ATF3: variants seen among roughly 807,000 people sequenced by gnomAD.
The protein encoded by ATF3 is cyclic AMP-dependent transcription factor ATF-3.
ATF3 carries 10 observed loss-of-function variants against 18.4 expected under a neutral mutation model. That is an observed-to-expected ratio of 0.54 (90% confidence interval 0.34 to 0.92). The LOEUF is 0.92. Among genes scored for constraint, ATF3 ranks in the 40% least tolerant of loss-of-function variants. ATF3 has a pLI of 0.02. For missense variants in ATF3, 183 were observed against 222.3 expected (o/e 0.82, Z 1.12); for synonymous variants, 78 against 87.9 (o/e 0.89, Z 0.63).
upstream of ATF3, among the ~76,000 whole-genome samples, chr1:212,607,843 G>T (rs11571516): frequency 0.065 from 9,824 of 152,056 alleles, 614 homozygotes; most frequent in African/African-American, 0.16. Context: ...CCTGGACTCC[G>T]ATCTTTTCAC....
intron 1 of ATF3, among the ~76,000 whole-genome samples, chr1:212,582,464 G>A (rs1432360930): frequency 6.6e-6 from 1 of 152,262 alleles, no homozygotes; most frequent in Non-Finnish European, 1.5e-5. Context: ...GGAGGGCTGT[G>A]TGGGTTCTCC....
upstream of ATF3, among the ~76,000 whole-genome samples, chr1:212,607,028 A>G (rs1185907655): frequency 1.3e-5 from 2 of 152,134 alleles, no homozygotes; most frequent in African/African-American, 2.4e-5. Context: ...TCAGGTCCAG[A>G]GCAGGATCTC....
chr1:212,609,031 C>G (rs1303168387), intron 1 of ATF3, 101 bp downstream of exon 1: 1 of 152,072 alleles, frequency 6.6e-6, no homozygotes, highest in African/African-American at 2.4e-5. Context: ...CTGACCCACC[C>G]CGGATCCGCG....
At chr1:212,578,656 G>T (rs377224343) in intron 1 of ATF3, among the ~76,000 whole-genome samples, 19 of 152,098 alleles carry the variant, frequency 1.2e-4, no homozygotes, top group African/African-American at 4.3e-4. Flanking sequence ...CACTTTGTTG[G>T]CTGTCTTCCT....
chr1:212,585,036 A>G (rs1334215522), intron 1 of ATF3, among the ~76,000 whole-genome samples: 1 of 152,176 alleles, frequency 6.6e-6, no homozygotes, highest in African/African-American at 2.4e-5. Flanking sequence ...GTCAGATACC[A>G]AAAGGAGGAG....
intron 1 of ATF3, among the ~76,000 whole-genome samples, chr1:212,576,922 G>A (rs1453371874): frequency 2.0e-5 from 3 of 150,804 alleles, no homozygotes; most frequent in African/African-American, 7.3e-5. Flanking sequence ...TAGTAGAGAC[G>A]GGGTTTCACC....
chr1:212,587,358 C>T (rs949987462), intron 1 of ATF3, among the ~76,000 whole-genome samples: 2 of 152,154 alleles, frequency 1.3e-5, no homozygotes, highest in Non-Finnish European at 2.9e-5. Flanking sequence ...CTAAAATATT[C>T]CTTTATGATA....
At chr1:212,581,177 G>A (rs1383311776) in intron 1 of ATF3, among the ~76,000 whole-genome samples, 5 of 152,206 alleles carry the variant, frequency 3.3e-5, no homozygotes, top group African/African-American at 7.2e-5. Flanking sequence ...CATGCAACAC[G>A]GTTATGTGAC....
intron 1 of ATF3, among the ~76,000 whole-genome samples, chr1:212,593,316 G>A (rs1284219733): frequency 2.0e-5 from 3 of 150,982 alleles, no homozygotes; most frequent in Non-Finnish European, 4.4e-5. Flanking sequence ...GGTAGGGATA[G>A]CATTAGGAGA....
chr1:212,577,359 A>G (rs1664600415), intron 1 of ATF3, among the ~76,000 whole-genome samples: 1 of 152,212 alleles, frequency 6.6e-6, no homozygotes, highest in Non-Finnish European at 1.5e-5. Context: ...GAATGACTAA[A>G]TCTAGCTAAT....
In ATF3 at chr1:212,610,816, G is replaced by A. The variant is rs11571523; in HGVS notation, c.-5+1886G>A. On this transcript the variant is annotated intron_variant, in intron 1 of 3. Coordinates refer to ENST00000341491, the MANE Select transcript of ATF3 (RefSeq NM_001674.4). Reference sequence around the variant, plus strand: ...GCCTTGTTGGTTGATCCCTTGAGGCGGTCGATACCTATTGGTGATGGAGCA... The same window carrying A: ...GCCTTGTTGGTTGATCCCTTGAGGCAGTCGATACCTATTGGTGATGGAGCA... Among the ~76,000 whole-genome samples the A allele has an allele frequency of 8.4e-3, 1,279 of 152,276 alleles. 6 individuals are homozygous for A. Among genetic ancestry groups the A allele is most frequent in the African/African-American group, 0.011 (468 of 41,562 alleles).
upstream of ATF3, among the ~76,000 whole-genome samples, chr1:212,607,349 TC>T (rs1394953347): frequency 4.6e-5 from 7 of 152,178 alleles, no homozygotes; most frequent in Admixed American, 1.3e-4. Context: ...CAGGTCTCCC[TC>T]CCAGGCAGGT....
intron 1 of ATF3, among the ~76,000 whole-genome samples, chr1:212,587,271 A>G (rs1008534544): frequency 6.6e-6 from 1 of 152,280 alleles, no homozygotes; most frequent in Non-Finnish European, 1.5e-5. Context: ...GGATGAATAC[A>G]TTAATAAATG....
At chr1:212,581,967 A>G (rs1339357974) in intron 1 of ATF3, among the ~76,000 whole-genome samples, 1 of 152,256 alleles carries the variant, frequency 6.6e-6, no homozygotes, top group African/African-American at 2.4e-5. Flanking sequence ...TAACAAGCAC[A>G]TTGGTTTCTG....
chr1:212,618,077 A>G lies in ATF3; in HGVS notation c.241-50A>G, dbSNP rs752191589. 1.3e-6 allele frequency: 2 copies of G among 1,573,956 alleles called. No individual in the cohort carries two copies. Among genetic ancestry groups the G allele is most frequent in the African/African-American group, 1.3e-5 (1 of 74,116 alleles). On this transcript the variant is annotated intron_variant, in intron 2 of 3. Transcript: ENST00000341491. This position sits in a 1 kb window ranked among gnomAD's most constrained non-coding sequence, Gnocchi z 4.4. ...CAGTAAAAGGCAGTGTATTTGAGGT[A>G]GGTGGCATTTCTTACTGCCCTTTAA... is the stretch of plus-strand genomic sequence containing the variant.
chr1:212,617,946 CGT>C (rs3839030), intron 2 of ATF3, among the ~76,000 whole-genome samples, 179 bp from the exon 3 acceptor site: 107,605 of 150,104 alleles, frequency 0.72, 38,906 homozygotes, highest in Middle Eastern at 0.78. Context: ...TGTGTGTGTG[CGT>C]GTGTGTGTGT....
chr1:212,619,696 CAG>C lies in ATF3; in HGVS notation c.*142_*143del. On this transcript the variant is annotated 3_prime_UTR_variant, in exon 4 of 4. Transcript: ENST00000341491. This position sits in a 1 kb window ranked among gnomAD's most constrained non-coding sequence, Gnocchi z 4.4. Reference sequence around the variant, plus strand: ...AGAACCATCAAGGCGGGAGGGCCTGCAGTGATTCAGCAGGCCCTTCCCATTCT... The same window carrying C: ...AGAACCATCAAGGCGGGAGGGCCTGCTGATTCAGCAGGCCCTTCCCATTCT... 1.7e-6 allele frequency: 2 copies of C among 1,189,778 alleles called. No homozygotes were observed. The highest frequency in any genetic ancestry group is 2.4e-6 in the Non-Finnish European group (2 of 843,842). The allele number at this position is 1,189,778 out of a possible 1,614,324, so 73.7% of individuals were successfully genotyped here. A position where few individuals can be genotyped will look rare whatever the true frequency, so the allele number is the denominator to read the frequency against.
At chr1:212,601,861 C>T (rs144326870) in intron 1 of ATF3, among the ~76,000 whole-genome samples, 5 of 151,802 alleles carry the variant, frequency 3.3e-5, no homozygotes, top group East Asian at 1.9e-4. Flanking sequence ...AAGGGTAAGG[C>T]GTGAAGAGGG....
chr1:212,616,458 G>A (rs1231753575), intron 2 of ATF3, among the ~76,000 whole-genome samples: 1 of 152,052 alleles, frequency 6.6e-6, no homozygotes, highest in Non-Finnish European at 1.5e-5. Flanking sequence ...CACACGTCTG[G>A]CTAATTTTTG....
Sources: allele counts gnomAD v4.1 joint callset (sites outside exome capture counted in the v4.1 genomes callset), GRCh38; gene constraint gnomAD v4.1.1; non-coding constraint Gnocchi (gnomAD v3.1); transcripts MANE v1.5; gene names NCBI Gene and HGNC (gene_info 2026-07-23, HGNC 2026-07-21).